FSTL4: variants seen among roughly 807,000 people sequenced by gnomAD.
FSTL4 encodes the protein follistatin-related protein 4.
In FSTL4, 28 loss-of-function variants were observed where a neutral mutation model predicts 78.2. That is an observed-to-expected ratio of 0.36 (90% CI 0.27 to 0.49). The LOEUF is 0.49. Ranked by LOEUF, FSTL4 falls within the 20% of genes least tolerant of loss-of-function variation. The pLI is 0.98. For synonymous variants in FSTL4, 422 were observed against 440.5 expected (o/e 0.96, Z 0.53); for missense variants, 922 against 1,084.9 (o/e 0.85, Z 2.11).
At chr5:133,512,163 C>G (rs1312756863) in intron 3 of FSTL4, among the ~76,000 whole-genome samples, 7 of 152,152 alleles carry the variant, frequency 4.6e-5, no homozygotes, top group African/African-American at 1.7e-4. Context: ...ACGCATCACC[C>G]TGCCTCGCCA....
At chr5:133,734,363 G>A in the FSTL4 span, among the ~76,000 whole-genome samples, 3 of 152,148 alleles carry the variant, frequency 2.0e-5, no homozygotes, top group African/African-American at 7.2e-5. Flanking sequence ...TAGCATTGTA[G>A]CCATATGAGA....
intron 3 of FSTL4, among the ~76,000 whole-genome samples, chr5:133,498,757 A>G (rs1331011247): frequency 1.3e-5 from 2 of 150,926 alleles, no homozygotes; most frequent in Non-Finnish European, 2.9e-5. Context: ...AGCCCTTTCC[A>G]ACTTTCCAGA....
rs139711882 is a variant in FSTL4, at chr5:133,316,536, G to A, written c.526C>T (p.Arg176Cys). The A allele has an allele frequency of 5.0e-4, 808 of 1,614,038 alleles. 13 individuals are homozygous for A. In the South Asian group the frequency reaches 5.6e-3, roughly 11 times the overall value. Residue 176 changes from arginine to cysteine, a missense_variant, in exon 5 of 16, where the codon CGC becomes TGC. By Grantham distance (180) the Arg-to-Cys change is radical (BLOSUM62 -3). Coordinates refer to ENST00000265342, the MANE Select transcript of FSTL4 (RefSeq NM_015082.2). ...DSRQDPASQK[R>C]LLVESLFRDL... ...CTGAACAGAGATTCCACCAGGAGGC[G>A]CTTCTGGGAGGCAGGGTCTTGTCTG...
At chr5:133,221,530 C>T (rs1419525302) in intron 11 of FSTL4, among the ~76,000 whole-genome samples, 5 of 152,126 alleles carry the variant, frequency 3.3e-5, no homozygotes, top group African/African-American at 1.2e-4. Context: ...CTAAGCAAAC[C>T]AGCTGAGAAG....
At chr5:133,629,309 G>A in the FSTL4 span, among the ~76,000 whole-genome samples, 3 of 151,942 alleles carry the variant, frequency 2.0e-5, no homozygotes, top group East Asian at 5.8e-4. Context: ...GCCTTGCATG[G>A]GGATATCACC....
intron 3 of FSTL4, among the ~76,000 whole-genome samples, chr5:133,558,547 C>T (rs1193236017): frequency 1.3e-5 from 2 of 152,142 alleles, no homozygotes; most frequent in East Asian, 1.9e-4. Context: ...CAGTGCCCAT[C>T]CTACCTGCTC....
chr5:133,211,911 TATCTCTTCTCCAC>T (rs1020046672), intron 13 of FSTL4, among the ~76,000 whole-genome samples: 4 of 152,218 alleles, frequency 2.6e-5, no homozygotes, highest in African/African-American at 9.7e-5. Flanking sequence ...TGCTGAAATA[TATCTCTTCTCCAC>T]TCATCACCAT....
At chr5:133,203,069 T>A (rs1405154903) in intron 14 of FSTL4, among the ~76,000 whole-genome samples, 1 of 152,218 alleles carries the variant, frequency 6.6e-6, no homozygotes, top group Non-Finnish European at 1.5e-5. Flanking sequence ...GCCTTCTGCA[T>A]ATGCTCATCA....
At chr5:133,355,802 C>T (rs1387984630) in intron 4 of FSTL4, among the ~76,000 whole-genome samples, 2 of 152,198 alleles carry the variant, frequency 1.3e-5, no homozygotes, top group Non-Finnish European at 2.9e-5. Flanking sequence ...ATTTCAGACT[C>T]AGAATTCTGT....
the FSTL4 span, among the ~76,000 whole-genome samples, chr5:133,768,093 G>A: frequency 3.5e-4 from 53 of 152,234 alleles, no homozygotes; most frequent in African/African-American, 1.1e-3. Flanking sequence ...GGAACCCAAG[G>A]AAGAAACGAG....
In FSTL4 at chr5:133,225,181, C is replaced by T. The variant is rs746549075; in HGVS notation, c.1281G>A (p.Ser427=). The T allele has an allele frequency of 1.1e-5, 17 of 1,613,968 alleles. No individual in the cohort carries two copies. In the South Asian group the frequency reaches 1.6e-4, roughly 16 times the overall value. ...TTCTAGCTGAGTCTTCAATGAAGAGCGAGGAGATATCTTCATCCACACCCA... is the reference window on the plus strand; with the variant it reads ...TTCTAGCTGAGTCTTCAATGAAGAGTGAGGAGATATCTTCATCCACACCCA... ...NEVGVDEDIS[S]LFIEDSARKT... The change falls in exon 10 of 16, where the codon TCG becomes TCA. Residue 427 remains serine, a synonymous_variant. Transcript: ENST00000265342. The surrounding 1 kb of genome is among the most constrained non-coding windows in gnomAD (Gnocchi z 4.6).
chr5:133,200,678 T>C (rs921984603), intron 15 of FSTL4, among the ~76,000 whole-genome samples: 5 of 152,224 alleles, frequency 3.3e-5, no homozygotes, highest in Admixed American at 1.3e-4. Context: ...CAGGCAGGAC[T>C]TCCCTTTGAT....
chr5:133,292,284 C>T (rs1753282461), intron 6 of FSTL4, among the ~76,000 whole-genome samples: 1 of 152,228 alleles, frequency 6.6e-6, no homozygotes, highest in Non-Finnish European at 1.5e-5. Flanking sequence ...GCTGCACTAG[C>T]CTCTGGGTTC....
At chr5:133,825,693 C>T in the FSTL4 span, among the ~76,000 whole-genome samples, 1 of 152,238 alleles carries the variant, frequency 6.6e-6, no homozygotes, top group Non-Finnish European at 1.5e-5. Context: ...CCTGGCGTCC[C>T]ATGCTTGAGT....
At chr5:133,654,685 A>G in the FSTL4 span, among the ~76,000 whole-genome samples, 1 of 152,172 alleles carries the variant, frequency 6.6e-6, no homozygotes, top group Non-Finnish European at 1.5e-5. Context: ...AAGGACTCCC[A>G]GGGCTGAGTT....
rs561891642 is a variant in FSTL4 at position 133,583,340 on chromosome 5, G to T, written c.127-16121C>A. 1.5e-3 allele frequency: 410 copies of T among 271,728 alleles called. 40 individuals carry two copies. Among genetic ancestry groups the T allele is most frequent in the African/African-American group, 0.011 (389 of 35,748 alleles). The allele number at this position is 271,728 out of a possible 1,614,324, so 16.8% of individuals were successfully genotyped here. A position where few individuals can be genotyped will look rare whatever the true frequency, so the allele number is the denominator to read the frequency against. On this transcript the variant is annotated intron_variant, in intron 2 of 15. Coordinates refer to ENST00000265342, the MANE Select transcript of FSTL4 (RefSeq NM_015082.2). The stretch of plus-strand genomic sequence containing the variant: ...ACAGCTCCGGTCTACAGCTCCCAGC[G>T]TGAGCGACGCAGAAGACGGGTGATT...
chr5:133,346,939 T>C (rs1754707810), intron 4 of FSTL4, among the ~76,000 whole-genome samples: 1 of 152,220 alleles, frequency 6.6e-6, no homozygotes, highest in South Asian at 2.1e-4. Context: ...TCTTGGGCTA[T>C]TTTCCTTTCT....
the FSTL4 span, among the ~76,000 whole-genome samples, chr5:133,759,152 C>T: frequency 6.6e-6 from 1 of 152,114 alleles, no homozygotes; most frequent in Non-Finnish European, 1.5e-5. Flanking sequence ...CATACTCCAA[C>T]AGAAAAATGA....
chr5:133,268,104 G>C (rs1490802152), intron 6 of FSTL4, among the ~76,000 whole-genome samples: 1 of 152,208 alleles, frequency 6.6e-6, no homozygotes, highest in Non-Finnish European at 1.5e-5. Context: ...CACAACTCAA[G>C]CTTTAAAGGG....
Sources: gnomAD v4.1 joint callset for allele counts (sites outside exome capture counted in the v4.1 genomes callset) on GRCh38, gnomAD v4.1.1 for gene constraint, Gnocchi (gnomAD v3.1) non-coding constraint, MANE v1.5 for transcripts, NCBI Gene and HGNC (gene_info 2026-07-23, HGNC 2026-07-21) for gene names.